Variants in N4BP2L2 observed in about 807,000 individuals in gnomAD.
N4BP2L2 encodes NEDD4 binding protein 2 like 2.
A neutral mutation model predicts 56.2 loss-of-function variants in N4BP2L2; 50 were observed. The observed-to-expected ratio is 0.89, with a 90% CI of 0.71 to 1.13. N4BP2L2 has a LOEUF of 1.13. Ranked by LOEUF, N4BP2L2 falls within the 50% of genes most tolerant of loss-of-function variation. The pLI is 0.00. For synonymous variants in N4BP2L2, 203 were observed against 223.6 expected, an observed-to-expected ratio of 0.91 and a Z score of 0.82; for missense variants, 689 against 693.8, an observed-to-expected ratio of 0.99 and a Z score of 0.08.
chr13:32,450,620 G>A (rs1379885558), intron 6 of N4BP2L2, among the ~76,000 whole-genome samples: 3 of 110,330 alleles, frequency 2.7e-5, no homozygotes, highest in African/African-American at 4.2e-5. Context: ...CACTGCGCCC[G>A]GCTTTTTTTG....
intron 9 of N4BP2L2, among the ~76,000 whole-genome samples, chr13:32,434,252 T>C (rs868347334): frequency 0.044 from 6,210 of 141,716 alleles, 465 homozygotes; most frequent in African/African-American, 0.15. Context: ...AATTTTCTTT[T>C]TTTCTTTTTT....
chr13:32,463,960 T>C (rs2080752272), intron 6 of N4BP2L2, among the ~76,000 whole-genome samples: 1 of 141,934 alleles, frequency 7.0e-6, no homozygotes, highest in African/African-American at 2.6e-5. Context: ...TTCTTCAGGC[T>C]GAAATAAAAG....
exon 7 of N4BP2L2, chr13:32,442,649 G>C (rs772369542): frequency 1.2e-6 from 2 of 1,613,864 alleles, no homozygotes; most frequent in Non-Finnish European, 1.7e-6. Flanking sequence ...GCATCATTTA[G>C]TTTATTACCT....
intron 6 of N4BP2L2, among the ~76,000 whole-genome samples, chr13:32,498,093 C>G (rs1242285503): frequency 6.6e-6 from 1 of 152,138 alleles, no homozygotes; most frequent in East Asian, 1.9e-4. Flanking sequence ...TTAAGCGACT[C>G]TCCCATCTCA....
intron 6 of N4BP2L2, chr13:32,444,212 G>T: frequency 9.4e-7 from 1 of 1,059,356 alleles, no homozygotes. Context: ...TTCATGTGCA[G>T]GTTTAAAAAC....
exon 2 of N4BP2L2, chr13:32,536,379 G>C: frequency 6.2e-7 from 1 of 1,614,040 alleles, no homozygotes; most frequent in Non-Finnish European, 8.5e-7. Flanking sequence ...TCTTCATCAG[G>C]TTTTAAGAGA....
exon 7 of N4BP2L2, chr13:32,442,643 C>A (rs1368561879): frequency 6.2e-7 from 1 of 1,613,850 alleles, no homozygotes; most frequent in Non-Finnish European, 8.5e-7. Flanking sequence ...AACCCTGCAT[C>A]ATTTAGTTTA....
chr13:32,461,700 T>C (rs2080111798), intron 6 of N4BP2L2, among the ~76,000 whole-genome samples: 1 of 152,212 alleles, frequency 6.6e-6, no homozygotes, highest in Non-Finnish European at 1.5e-5. Flanking sequence ...ACTCCTGGGC[T>C]CAAGTGATCC....
intron 6 of N4BP2L2, among the ~76,000 whole-genome samples, chr13:32,502,978 G>C (rs931279614): frequency 1.4e-4 from 22 of 151,988 alleles, no homozygotes; most frequent in African/African-American, 4.8e-4. Flanking sequence ...TTCGATACCA[G>C]CCTAGCCAAC....
At chr13:32,518,114 CA>C in intron 5 of N4BP2L2, 111 bp from the exon 6 acceptor site, 1 of 985,790 alleles carries the variant, frequency 1.0e-6, no homozygotes, top group Non-Finnish European at 1.4e-6. Flanking sequence ...TGTAAATAAA[CA>C]ATATATATTT....
intron 7 of N4BP2L2, among the ~76,000 whole-genome samples, chr13:32,440,544 G>A (rs779190312): frequency 7.2e-5 from 11 of 152,052 alleles, no homozygotes; most frequent in Admixed American, 2.0e-4. Context: ...TCAGTTCACT[G>A]CAACCTCCGC....
chr13:32,486,809 A>G (rs1566110565), intron 6 of N4BP2L2, among the ~76,000 whole-genome samples: 2 of 152,148 alleles, frequency 1.3e-5, no homozygotes, highest in East Asian at 3.9e-4. Context: ...ACCATCCTGG[A>G]TAACATGGTG....
intron 6 of N4BP2L2, among the ~76,000 whole-genome samples, chr13:32,495,620 C>T (rs553003830): frequency 5.3e-5 from 8 of 152,234 alleles, no homozygotes; most frequent in African/African-American, 1.9e-4. Context: ...TCTCCTCTGC[C>T]AGAGCTGGCC....
chr13:32,528,969 A>G (rs2053875332), intron 2 of N4BP2L2, among the ~76,000 whole-genome samples: 1 of 152,216 alleles, frequency 6.6e-6, no homozygotes, highest in African/African-American at 2.4e-5. Flanking sequence ...TAAACTATGC[A>G]CATCCTCCCA....
chr13:32,510,957 T>C (rs2047998672), exon 6 of N4BP2L2: 2 of 151,608 alleles, frequency 1.3e-5, no homozygotes, highest in African/African-American at 4.9e-5. Flanking sequence ...CTTTTTAACC[T>C]TGGAAAAACA....
exon 6 of N4BP2L2, chr13:32,517,269 G>C: frequency 1.0e-6 from 1 of 986,202 alleles, no homozygotes; most frequent in Non-Finnish European, 1.2e-6. Flanking sequence ...GGGGAATTTT[G>C]TTTGAACTAA....
intron 6 of N4BP2L2, among the ~76,000 whole-genome samples, chr13:32,480,889 A>C (rs907896360): frequency 1.3e-5 from 2 of 151,788 alleles, no homozygotes; most frequent in Admixed American, 1.3e-4. Context: ...GAGGCTGAGG[A>C]AGGCAGATCA....
exon 6 of N4BP2L2, chr13:32,513,881 A>T (rs1478374705): frequency 1.3e-5 from 2 of 152,132 alleles, no homozygotes; most frequent in African/African-American, 4.8e-5. Flanking sequence ...ACACAACTAC[A>T]TTTCTTCTAC....
At chr13:32,471,974 A>G (rs533011268) in intron 6 of N4BP2L2, among the ~76,000 whole-genome samples, 2 of 152,348 alleles carry the variant, frequency 1.3e-5, no homozygotes, top group South Asian at 4.1e-4. Flanking sequence ...TGCCCAAAAC[A>G]TTTAACCTGA....
Sources: gnomAD v4.1 joint callset for allele counts (sites outside exome capture counted in the v4.1 genomes callset) on GRCh38, gnomAD v4.1.1 for gene constraint, MANE v1.5 for transcripts, NCBI Gene and HGNC (gene_info 2026-07-23, HGNC 2026-07-21) for gene names.